The following ROBO1 variants were observed in gnomAD, a reference collection of about 807,000 sequenced individuals.
ROBO1 encodes roundabout homolog 1.
ROBO1 carries 149 observed loss-of-function variants against 195.9 expected under a neutral mutation model. The observed-to-expected ratio is 0.76, with a 90% CI of 0.67 to 0.87. The LOEUF (loss-of-function observed/expected upper bound fraction) is 0.87, where lower values mean the gene tolerates loss of function less well. Ranked by LOEUF, ROBO1 falls within the 40% of genes least tolerant of loss-of-function variation. ROBO1 has a pLI of 0.00. For synonymous variants in ROBO1, 816 were observed against 733.2 expected, an observed-to-expected ratio of 1.11 and a Z score of -1.82; for missense variants, 1,933 against 2,068.3, an observed-to-expected ratio of 0.93 and a Z score of 1.27.
At chr3:78,888,083 A>G (rs1559965965) in intron 4 of ROBO1, among the ~76,000 whole-genome samples, 1 of 152,334 alleles carries the variant, frequency 6.6e-6, no homozygotes, top group Non-Finnish European at 1.5e-5. Flanking sequence ...CAGACATTGT[A>G]TTTCTTAGAA....
chr3:78,900,601 G>A (rs1258457578), intron 4 of ROBO1, among the ~76,000 whole-genome samples: 1 of 152,122 alleles, frequency 6.6e-6, no homozygotes, highest in Admixed American at 6.6e-5. Context: ...CAGTTTCAAT[G>A]ATGAAAAACA....
chr3:79,372,591 C>A (rs537616260), intron 2 of ROBO1, among the ~76,000 whole-genome samples: 7 of 152,096 alleles, frequency 4.6e-5, no homozygotes, highest in Non-Finnish European at 7.4e-5. Flanking sequence ...TGCCTTCCCC[C>A]CTACCCCTCA....
Position 78,611,215 on chromosome 3 carries a change from C to G in ROBO1, c.4435+3433G>C, listed in dbSNP as rs571010852. 2.4e-4 allele frequency among the ~76,000 whole-genome samples: 37 copies of G among 152,358 alleles called. No homozygotes were observed. In the South Asian group the frequency reaches 7.5e-3, roughly 31 times the overall value. ...TATTTACTTGACCGCTTCAAGTCCTCAGACCTTGTAATTAATGATAAATCA... is the reference window on the plus strand; with the variant it reads ...TATTTACTTGACCGCTTCAAGTCCTGAGACCTTGTAATTAATGATAAATCA... On this transcript the variant is annotated intron_variant, in intron 28 of 30. Coordinates refer to ENST00000464233, the MANE Select transcript of ROBO1 (RefSeq NM_002941.4).
intron 1 of ROBO1, among the ~76,000 whole-genome samples, chr3:79,676,848 T>G (rs1393171081): frequency 2.6e-5 from 4 of 152,054 alleles, no homozygotes; most frequent in Non-Finnish European, 5.9e-5. Flanking sequence ...TCAGTTTAGC[T>G]TCTGTCTGCT....
intron 3 of ROBO1, among the ~76,000 whole-genome samples, chr3:79,076,593 G>GA (rs1375403236): frequency 6.6e-6 from 1 of 151,688 alleles, no homozygotes; most frequent in Admixed American, 6.6e-5. Context: ...GGGATTTATT[G>GA]AAAAAATAGA....
chr3:78,613,625 T>C (rs1479327699), intron 28 of ROBO1, among the ~76,000 whole-genome samples: 1 of 152,132 alleles, frequency 6.6e-6, no homozygotes, highest in Non-Finnish European at 1.5e-5. Context: ...AAAGTATAGA[T>C]AATAGCATGG....
intron 27 of ROBO1, among the ~76,000 whole-genome samples, chr3:78,616,553 A>T (rs1241046819): frequency 6.6e-6 from 1 of 152,142 alleles, no homozygotes; most frequent in East Asian, 1.9e-4. Flanking sequence ...TTCTACACTG[A>T]TAAAAAATAA....
chr3:79,687,033 A>T (rs972597570), intron 1 of ROBO1, among the ~76,000 whole-genome samples: 1 of 152,190 alleles, frequency 6.6e-6, no homozygotes, highest in Non-Finnish European at 1.5e-5. Context: ...AGACCAATGG[A>T]ACAGAACAGA....
intron 4 of ROBO1, among the ~76,000 whole-genome samples, chr3:78,901,044 T>G (rs567449544): frequency 6.6e-6 from 1 of 152,266 alleles, no homozygotes; most frequent in East Asian, 1.9e-4. Context: ...TGTGAGAATC[T>G]TTTCCAGATA....
intron 4 of ROBO1, among the ~76,000 whole-genome samples, chr3:78,840,019 G>A (rs1439205146): frequency 6.6e-6 from 1 of 152,196 alleles, no homozygotes; most frequent in Non-Finnish European, 1.5e-5. Flanking sequence ...TGTCAGGAAG[G>A]CAATACGGGA....
At chr3:78,859,004 G>A (rs576686659) in intron 4 of ROBO1, among the ~76,000 whole-genome samples, 1 of 152,062 alleles carries the variant, frequency 6.6e-6, no homozygotes, top group South Asian at 2.1e-4. Context: ...TTTTCTCAAC[G>A]TGCGTAAATC....
chr3:79,680,460 G>T (rs1188732257), intron 1 of ROBO1, among the ~76,000 whole-genome samples: 2 of 152,026 alleles, frequency 1.3e-5, no homozygotes, highest in African/African-American at 4.8e-5. Flanking sequence ...AGTGGTATGA[G>T]TTACTGGATG....
intron 1 of ROBO1, among the ~76,000 whole-genome samples, chr3:79,754,915 T>C (rs1177221266): frequency 6.6e-6 from 1 of 152,162 alleles, no homozygotes; most frequent in East Asian, 1.9e-4. Context: ...AGTTTCACTC[T>C]TGTTGCGCAG....
At chr3:79,213,936 C>T (rs2082010021) in intron 2 of ROBO1, among the ~76,000 whole-genome samples, 1 of 149,962 alleles carries the variant, frequency 6.7e-6, no homozygotes, top group African/African-American at 2.4e-5. Context: ...AGAGATTCTC[C>T]TGCCTCAGCC....
intron 4 of ROBO1, among the ~76,000 whole-genome samples, chr3:78,818,380 C>A (rs1307038280): frequency 1.3e-5 from 2 of 152,218 alleles, no homozygotes; most frequent in Non-Finnish European, 2.9e-5. Context: ...CATTATTCAT[C>A]CCCTGTGCCT....
chr3:79,656,597 G>T (rs1484128940), intron 1 of ROBO1, among the ~76,000 whole-genome samples: 2 of 151,854 alleles, frequency 1.3e-5, no homozygotes, highest in African/African-American at 2.4e-5. Context: ...TGAAAAGAAA[G>T]AATAAATATG....
intron 2 of ROBO1, among the ~76,000 whole-genome samples, chr3:79,576,462 G>A (rs1255790623): frequency 1.3e-5 from 2 of 151,794 alleles, no homozygotes; most frequent in African/African-American, 4.8e-5. Flanking sequence ...ACAGGACATT[G>A]TATTAGATAC....
chr3:79,287,077 C>G (rs567493874), intron 2 of ROBO1, among the ~76,000 whole-genome samples: 54 of 152,074 alleles, frequency 3.6e-4, no homozygotes, highest in Admixed American at 5.9e-4. Context: ...GTCACTGTAT[C>G]TTATAAAAAA....
intron 1 of ROBO1, among the ~76,000 whole-genome samples, chr3:79,612,839 T>C (rs943934024): frequency 3.3e-5 from 5 of 152,168 alleles, no homozygotes; most frequent in Non-Finnish European, 5.9e-5. Context: ...TTTTGAGAAG[T>C]GTCTGATCAC....
Sources: gnomAD v4.1 joint callset for allele counts (sites outside exome capture counted in the v4.1 genomes callset) on GRCh38, gnomAD v4.1.1 for gene constraint, MANE v1.5 for transcripts, NCBI Gene and HGNC (gene_info 2026-07-23, HGNC 2026-07-21) for gene names.